The following PRKAG2 variants were observed in gnomAD, a reference collection of about 807,000 sequenced individuals.
PRKAG2 encodes 5'-AMP-activated protein kinase subunit gamma-2.
A neutral mutation model predicts 69.6 loss-of-function variants in PRKAG2; 26 were observed. That is an observed-to-expected ratio of 0.37 (90% CI 0.27 to 0.52). PRKAG2 has a LOEUF of 0.52. Ranked by LOEUF, PRKAG2 falls within the 20% of genes least tolerant of loss-of-function variation. PRKAG2 has a pLI of 0.90. For synonymous variants in PRKAG2, 293 were observed against 285.0 expected, an observed-to-expected ratio of 1.03 and a Z score of -0.28; for missense variants, 557 against 740.0, an observed-to-expected ratio of 0.75 and a Z score of 2.87.
chr7:151,792,809 C>T (rs371305112), intron 1 of PRKAG2, among the ~76,000 whole-genome samples: 11 of 152,350 alleles, frequency 7.2e-5, no homozygotes, highest in East Asian at 5.8e-4. Flanking sequence ...TCCTGCTGAG[C>T]GGACCCCAGC....
intron 5 of PRKAG2, among the ~76,000 whole-genome samples, chr7:151,613,687 G>A (rs1439364798): frequency 6.7e-6 from 1 of 149,414 alleles, no homozygotes; most frequent in Non-Finnish European, 1.5e-5. Context: ...TAGTAGTGAT[G>A]GGGTTTCGCC....
intron 4 of PRKAG2, among the ~76,000 whole-genome samples, chr7:151,633,318 GA>G (rs910475179): frequency 4.6e-5 from 7 of 152,116 alleles, no homozygotes; most frequent in Admixed American, 6.5e-5. Context: ...ACTTCATAGT[GA>G]AAGACTGTTT....
intron 4 of PRKAG2, among the ~76,000 whole-genome samples, chr7:151,664,272 C>T (rs1830717585): frequency 6.6e-6 from 1 of 152,166 alleles, no homozygotes; most frequent in Middle Eastern, 3.2e-3. Context: ...GGGGGAGTAA[C>T]TTTACACAAT....
intron 15 of PRKAG2, chr7:151,558,991 C>G: frequency 1.0e-6 from 1 of 985,452 alleles, no homozygotes; most frequent in South Asian, 4.7e-5. Context: ...ACCCGCTGGG[C>G]AGACTGTGTC....
At chr7:151,827,198 G>T (rs1487724141) in intron 1 of PRKAG2, among the ~76,000 whole-genome samples, 2 of 152,162 alleles carry the variant, frequency 1.3e-5, no homozygotes, top group East Asian at 3.8e-4. Flanking sequence ...TCCATCTGGG[G>T]TCCAGTGGGA....
At chr7:151,846,596 G>A (rs931323725) in intron 1 of PRKAG2, among the ~76,000 whole-genome samples, 11 of 152,202 alleles carry the variant, frequency 7.2e-5, no homozygotes, top group African/African-American at 2.2e-4. Context: ...GAGGGACACC[G>A]TAACTTAGGA....
At position 151,780,930 on chromosome 7, in the gene PRKAG2, G is replaced by A. The variant is rs1036622353; in HGVS notation, c.466+222C>T. On this transcript the variant is annotated intron_variant, in intron 3 of 15. Transcript: ENST00000287878. This position sits in a 1 kb window ranked among gnomAD's most constrained non-coding sequence, Gnocchi z 4.2. ...GACCTTGCTGGACCAGAAGGATTACGCTTTGATAGATTAGCATGGGAAGAA... is the reference window on the plus strand; with the variant it reads ...GACCTTGCTGGACCAGAAGGATTACACTTTGATAGATTAGCATGGGAAGAA... Among the ~76,000 whole-genome samples the A allele has an allele frequency of 6.6e-5, 10 of 152,166 alleles. No homozygotes were observed. Among genetic ancestry groups the A allele is most frequent in the African/African-American group, 1.7e-4 (7 of 41,428 alleles).
chr7:151,760,631 G>A (rs926444175), intron 3 of PRKAG2, among the ~76,000 whole-genome samples: 5 of 152,120 alleles, frequency 3.3e-5, no homozygotes, highest in African/African-American at 1.2e-4. Flanking sequence ...CCTCTGAGTG[G>A]CTCTCTCTCT....
chr7:151,763,202 C>T (rs765086142), intron 3 of PRKAG2, among the ~76,000 whole-genome samples: 2 of 152,266 alleles, frequency 1.3e-5, no homozygotes, highest in Non-Finnish European at 2.9e-5. Context: ...AGAATCTAAG[C>T]TGAGCCCCTA....
intron 4 of PRKAG2, among the ~76,000 whole-genome samples, chr7:151,669,125 C>G (rs974705091): frequency 1.3e-5 from 2 of 152,148 alleles, no homozygotes; most frequent in Non-Finnish European, 2.9e-5. Flanking sequence ...TCTCTCCAAT[C>G]TTTAATTTCT....
chr7:151,818,412 G>A (rs552261505), intron 1 of PRKAG2, among the ~76,000 whole-genome samples: 2 of 146,790 alleles, frequency 1.4e-5, no homozygotes, highest in African/African-American at 5.0e-5. Flanking sequence ...TCACCTAAAA[G>A]TCAAATGCTG....
rs773748344 is a variant in PRKAG2 at position 151,781,323 on chromosome 7, G to A, written c.295C>T (p.Pro99Ser). 6.2e-7 allele frequency: 1 copy of A among 1,614,016 alleles called. No individual in the cohort carries two copies. The highest frequency in any genetic ancestry group is 8.5e-7 in the Non-Finnish European group (1 of 1,180,002). The change falls in exon 3 of 16, where the codon CCC becomes TCC. Residue 99 changes from proline to serine, a missense_variant. Pro to Ser is a moderately conservative substitution (Grantham distance 74). Coordinates refer to ENST00000287878, the MANE Select transcript of PRKAG2 (RefSeq NM_016203.4). This position sits in a 1 kb window ranked among gnomAD's most constrained non-coding sequence, Gnocchi z 6.1. ...GGGAACACGGTTTTGGGAGAGCCGG[G>A]GCTGGTCTTGGGCCTCACAGGTGCA... is the stretch of plus-strand genomic sequence containing the variant. ...MSAPVRPKTS[P>S]GSPKTVFPFS...
chr7:151,788,824 T>C lies in PRKAG2; in HGVS notation c.115-2283A>G, dbSNP rs1356363980. On this transcript the variant is annotated intron_variant, in intron 1 of 15. Transcript: ENST00000287878. This position sits in a 1 kb window ranked among gnomAD's most constrained non-coding sequence, Gnocchi z 4.6. ...TCTTTGACCTATGTAAATTTTTGTA[T>C]ATGGTATAAACGTAAGGGTGCAATT... Among the ~76,000 whole-genome samples, 1 of 152,218 alleles carries C rather than the reference T, an allele frequency of 6.6e-6. No individual in the cohort carries two copies. Among genetic ancestry groups the C allele is most frequent in the Non-Finnish European group, 1.5e-5 (1 of 68,030 alleles).
chr7:151,857,056 C>T (rs1263710426), intron 1 of PRKAG2, among the ~76,000 whole-genome samples: 1 of 148,358 alleles, frequency 6.7e-6, no homozygotes, highest in Non-Finnish European at 1.5e-5. Flanking sequence ...GTAATTTTTG[C>T]AGGCAACATT....
chr7:151,797,542 A>C (rs776922557), intron 1 of PRKAG2, among the ~76,000 whole-genome samples: 1 of 152,200 alleles, frequency 6.6e-6, no homozygotes, highest in Non-Finnish European at 1.5e-5. Flanking sequence ...CTGCCACCTC[A>C]GTGCTTCCAG....
At chr7:151,627,950 C>T (rs886102872) in intron 5 of PRKAG2, among the ~76,000 whole-genome samples, 6 of 152,136 alleles carry the variant, frequency 3.9e-5, no homozygotes, top group Non-Finnish European at 5.9e-5. Flanking sequence ...AATGGTGAGC[C>T]GCCACGCCCG....
At chr7:151,708,800 G>A (rs1204298161) in intron 3 of PRKAG2, among the ~76,000 whole-genome samples, 4 of 152,212 alleles carry the variant, frequency 2.6e-5, no homozygotes, top group African/African-American at 7.2e-5. Context: ...CCTTGGTGAG[G>A]CAGGGCCTTT....
At chr7:151,832,060 TG>T (rs1437408585) in intron 1 of PRKAG2, among the ~76,000 whole-genome samples, 2 of 152,114 alleles carry the variant, frequency 1.3e-5, no homozygotes, top group African/African-American at 2.4e-5. Context: ...CTCAGGAGTC[TG>T]GACTAGAAGG....
chr7:151,787,488 A>G (rs1029611673), intron 1 of PRKAG2, among the ~76,000 whole-genome samples: 2 of 152,120 alleles, frequency 1.3e-5, no homozygotes, highest in African/African-American at 4.8e-5. Flanking sequence ...TCCACTTAGC[A>G]TAATGTCTTC....
Sources: gnomAD v4.1 joint callset for allele counts (sites outside exome capture counted in the v4.1 genomes callset) on GRCh38, gnomAD v4.1.1 for gene constraint, Gnocchi (gnomAD v3.1) non-coding constraint, MANE v1.5 for transcripts, NCBI Gene and HGNC (gene_info 2026-07-23, HGNC 2026-07-21) for gene names.